Variants in NDST3 observed in about 807,000 individuals in gnomAD.
NDST3 encodes the protein N-deacetylase and N-sulfotransferase 3.
In NDST3, 58 loss-of-function variants were observed where a neutral mutation model predicts 96.1. That is an observed-to-expected ratio of 0.60 (90% CI 0.49 to 0.75). NDST3 has a LOEUF of 0.75. NDST3 is among the 30% of genes least tolerant of loss of function. The pLI is 0.00. For synonymous variants in NDST3, 333 were observed against 359.7 expected, an observed-to-expected ratio of 0.93 and a Z score of 0.84; for missense variants, 788 against 1,034.2, an observed-to-expected ratio of 0.76 and a Z score of 3.27.
Position 118,115,447 on chromosome 4 carries a change from G to A in NDST3, c.1224+487G>A, listed in dbSNP as rs114863826. On this transcript the variant is annotated intron_variant, in intron 4 of 13. Coordinates refer to ENST00000296499, the MANE Select transcript of NDST3 (RefSeq NM_004784.3). The stretch of plus-strand genomic sequence containing the variant: ...GTCCTGAAATAAGAATAAATCTTCG[G>A]GATCAGGATTAATTGAAATGAAATG... Among the ~76,000 whole-genome samples the A allele has an allele frequency of 6.1e-3, 923 of 152,224 alleles. 12 individuals are homozygous for A. Among genetic ancestry groups the A allele is most frequent in the Non-Finnish European group, 5.9e-3 (399 of 68,010 alleles).
intron 7 of NDST3, among the ~76,000 whole-genome samples, chr4:118,225,996 T>G (rs372352960): frequency 3.8e-4 from 57 of 151,808 alleles, no homozygotes; most frequent in African/African-American, 1.2e-3. Flanking sequence ...GTTTTTTTGT[T>G]TTTTTTTTCA....
At chr4:118,041,545 T>G (rs913280013) in intron 1 of NDST3, among the ~76,000 whole-genome samples, 2 of 152,232 alleles carry the variant, frequency 1.3e-5, no homozygotes, top group South Asian at 2.1e-4. Flanking sequence ...TCAGTCAGCA[T>G]AGTCCTCATC....
rs564798058 is a variant in NDST3 at position 118,067,353 on chromosome 4, A to T, written c.981+12462A>T. The stretch of plus-strand genomic sequence containing the variant: ...AATCTGCTCTAGAAATGCAATAAGT[A>T]TTTAAAGGAAGTAAAGGGAGAAAAT... On this transcript the variant is annotated intron_variant, in intron 2 of 13. Transcript: ENST00000296499. 4.1e-4 allele frequency among the ~76,000 whole-genome samples: 62 copies of T among 152,214 alleles called. 1 individual carries two copies. Among genetic ancestry groups the T allele is most frequent in the Non-Finnish European group, 4.9e-4 (33 of 67,994 alleles).
At chr4:118,227,065 A>C in intron 8 of NDST3, 83 bp downstream of exon 8, 1 of 856,020 alleles carries the variant, frequency 1.2e-6, no homozygotes, top group Non-Finnish European at 1.9e-6. Context: ...AAGTTCGTAA[A>C]CTTCCCATAA....
chr4:118,037,669 C>G (rs1483750839), intron 1 of NDST3, among the ~76,000 whole-genome samples: 1 of 152,168 alleles, frequency 6.6e-6, no homozygotes, highest in African/African-American at 2.4e-5. Context: ...TACTAAGCAT[C>G]TACTTTTGCA....
chr4:118,173,798 G>T (rs1736108914), intron 6 of NDST3, among the ~76,000 whole-genome samples: 1 of 151,972 alleles, frequency 6.6e-6, no homozygotes, highest in Non-Finnish European at 1.5e-5. Context: ...TTCCTTTAAG[G>T]GTTCTGGCTT....
intron 2 of NDST3, among the ~76,000 whole-genome samples, chr4:118,092,280 A>C (rs887992238): frequency 2.6e-5 from 4 of 151,250 alleles, no homozygotes; most frequent in Admixed American, 1.3e-4. Flanking sequence ...TGCCAAGGGG[A>C]AAAGTTACTC....
At chr4:118,070,191 A>C (rs1241502765) in intron 2 of NDST3, among the ~76,000 whole-genome samples, 1 of 152,266 alleles carries the variant, frequency 6.6e-6, no homozygotes, top group South Asian at 2.1e-4. Flanking sequence ...AGATTTAATC[A>C]TTGCTAAGGT....
intron 2 of NDST3, among the ~76,000 whole-genome samples, chr4:118,096,663 A>ATAGG (rs778056260): frequency 3.1e-5 from 2 of 64,434 alleles, no homozygotes. Flanking sequence ...GCTAGAGTAG[A>ATAGG]TAGATAGATA....
chr4:118,200,951 G>A (rs1361000866), intron 6 of NDST3, among the ~76,000 whole-genome samples: 3 of 152,044 alleles, frequency 2.0e-5, no homozygotes, highest in African/African-American at 7.2e-5. Context: ...TCCCAAGCTC[G>A]AGTAGTCCAC....
At chr4:118,126,603 C>T (rs1201245031) in intron 4 of NDST3, among the ~76,000 whole-genome samples, 1 of 150,596 alleles carries the variant, frequency 6.6e-6, no homozygotes, top group Non-Finnish European at 1.5e-5. Flanking sequence ...TGTTAATATA[C>T]ACTGGTTGCT....
intron 2 of NDST3, among the ~76,000 whole-genome samples, chr4:118,070,008 G>T (rs1178907995): frequency 6.6e-6 from 1 of 152,092 alleles, no homozygotes; most frequent in Non-Finnish European, 1.5e-5. Flanking sequence ...GTAGCACCTG[G>T]TACAGTGTTC....
At chr4:118,119,986 A>G (rs1731424126) in intron 4 of NDST3, among the ~76,000 whole-genome samples, 1 of 152,180 alleles carries the variant, frequency 6.6e-6, no homozygotes, top group Non-Finnish European at 1.5e-5. Flanking sequence ...AGAAGAGACT[A>G]GAATCAGTAT....
At chr4:118,233,716 C>T (rs1237872275) in intron 9 of NDST3, among the ~76,000 whole-genome samples, 1 of 152,044 alleles carries the variant, frequency 6.6e-6, no homozygotes, top group Non-Finnish European at 1.5e-5. Flanking sequence ...TCAGAATACA[C>T]AAAATACAGT....
chr4:118,193,610 G>C (rs1360354326), intron 6 of NDST3: 2 of 1,221,402 alleles, frequency 1.6e-6, no homozygotes, highest in East Asian at 4.7e-5. Flanking sequence ...AGCCAGCTGG[G>C]CCTTGGCGGC....
intron 1 of NDST3, among the ~76,000 whole-genome samples, chr4:118,048,695 T>C (rs915385246): frequency 7.2e-5 from 11 of 152,096 alleles, no homozygotes; most frequent in Non-Finnish European, 1.6e-4. Context: ...TAAATATATA[T>C]ACACCCAACA....
At chr4:118,135,959 G>C (rs1428250332) in intron 4 of NDST3, among the ~76,000 whole-genome samples, 2 of 152,138 alleles carry the variant, frequency 1.3e-5, no homozygotes, top group Non-Finnish European at 2.9e-5. Context: ...TATATACATT[G>C]GTTGCCAAAT....
chr4:118,069,593 A>G (rs1460470979), intron 2 of NDST3, among the ~76,000 whole-genome samples: 4 of 152,034 alleles, frequency 2.6e-5, no homozygotes, highest in African/African-American at 7.2e-5. Context: ...GAAGAAAGCA[A>G]AAAGCAATTC....
chr4:118,130,267 C>A (rs1238014096), intron 4 of NDST3, among the ~76,000 whole-genome samples: 3 of 151,926 alleles, frequency 2.0e-5, no homozygotes, highest in African/African-American at 7.2e-5. Flanking sequence ...TCTCTCTTTT[C>A]TTTTCTTCCT....
Sources: gnomAD v4.1 joint callset for allele counts (sites outside exome capture counted in the v4.1 genomes callset) on GRCh38, gnomAD v4.1.1 for gene constraint, MANE v1.5 for transcripts, NCBI Gene and HGNC (gene_info 2026-07-23, HGNC 2026-07-21) for gene names.